The following FBN2 variants were observed in gnomAD, a reference collection of about 807,000 sequenced individuals.
FBN2 encodes the protein fibrillin-2.
FBN2 carries 105 observed loss-of-function variants against 355.6 expected under a neutral mutation model. That is an observed-to-expected ratio of 0.30 (90% CI 0.25 to 0.35). The LOEUF (loss-of-function observed/expected upper bound fraction) is 0.35, where lower values mean the gene tolerates loss of function less well. FBN2 is among the 10% of genes least tolerant of loss of function. FBN2 has a pLI of 1.00. For synonymous variants in FBN2, 1,350 were observed against 1,301.2 expected, an observed-to-expected ratio of 1.04 and a Z score of -0.81; for missense variants, 3,280 against 3,758.7, an observed-to-expected ratio of 0.87 and a Z score of 3.33.
In FBN2 at chr5:128,445,412, C is replaced by T. The variant is rs143602462; in HGVS notation, c.952+1069G>A. On this transcript the variant is annotated intron_variant, in intron 7 of 64. Transcript: ENST00000262464. The stretch of plus-strand genomic sequence containing the variant: ...AAGATTATGGTTTCTGGCATTGAAA[C>T]AATGGCATATGTACCCACATTCTAT... Among the ~76,000 whole-genome samples, 968 of 152,190 alleles carry T rather than the reference C, an allele frequency of 6.4e-3. 11 individuals carry two copies. The highest frequency in any genetic ancestry group is 0.022 in the African/African-American group (909 of 41,534).
At chr5:128,303,192 C>T in intron 45 of FBN2, 103 bp from the exon 46 acceptor site, 2 of 748,378 alleles carry the variant, frequency 2.7e-6, no homozygotes, top group South Asian at 2.8e-5. Flanking sequence ...AGATTTTCCT[C>T]ATTCAGTACT....
At chr5:128,339,173 A>C (rs977875937) in intron 25 of FBN2, 112 bp from the exon 26 acceptor site, 3 of 1,106,120 alleles carry the variant, frequency 2.7e-6, no homozygotes, top group African/African-American at 1.5e-5. Context: ...TAACAGTACA[A>C]GGGTATGTTT....
intron 34 of FBN2, chr5:128,328,393 T>C (rs1301695661): frequency 3.4e-6 from 2 of 591,888 alleles, no homozygotes; most frequent in East Asian, 5.6e-5. Flanking sequence ...GCTGAATAGT[T>C]TCTCCACATG....
intron 36 of FBN2, 129 bp downstream of exon 36, chr5:128,318,020 A>G (rs1296370999): frequency 2.3e-5 from 23 of 984,392 alleles, no homozygotes; most frequent in Non-Finnish European, 3.7e-5. Flanking sequence ...GAGAAACACA[A>G]TAAAGGCGAC....
At chr5:128,390,029 C>T (rs1028751348) in intron 11 of FBN2, among the ~76,000 whole-genome samples, 1 of 152,004 alleles carries the variant, frequency 6.6e-6, no homozygotes, top group Non-Finnish European at 1.5e-5. Context: ...TAACTCCATG[C>T]GGAAATCCCT....
chr5:128,348,878 A>G (rs1751266788), intron 23 of FBN2, among the ~76,000 whole-genome samples: 1 of 152,166 alleles, frequency 6.6e-6, no homozygotes, highest in African/African-American at 2.4e-5. Flanking sequence ...CTATTAAGAA[A>G]ACTTAAACTC....
intron 20 of FBN2, among the ~76,000 whole-genome samples, chr5:128,356,576 G>C (rs1266163786): frequency 6.6e-6 from 1 of 152,236 alleles, no homozygotes; most frequent in East Asian, 1.9e-4. Flanking sequence ...AACCACAGAG[G>C]CTAGAAGTAG....
chr5:128,279,896 A>G (rs953180266), intron 56 of FBN2, among the ~76,000 whole-genome samples: 1 of 152,212 alleles, frequency 6.6e-6, no homozygotes, highest in Non-Finnish European at 1.5e-5. Context: ...TTTGGAATTA[A>G]ATCATCCTCT....
At chr5:128,464,439 A>ATTT (rs1754645921) in intron 6 of FBN2, among the ~76,000 whole-genome samples, 1 of 152,114 alleles carries the variant, frequency 6.6e-6, no homozygotes, top group Non-Finnish European at 1.5e-5. Flanking sequence ...CATCTAGATA[A>ATTT]AAATAGAGTG....
At chr5:128,455,860 A>G (rs1276505941) in intron 6 of FBN2, among the ~76,000 whole-genome samples, 1 of 151,944 alleles carries the variant, frequency 6.6e-6, no homozygotes, top group East Asian at 1.9e-4. Context: ...CCTGGAACGT[A>G]CAGATTATTA....
At chr5:128,413,921 C>T (rs959738764) in intron 7 of FBN2, among the ~76,000 whole-genome samples, 2 of 152,110 alleles carry the variant, frequency 1.3e-5, no homozygotes, top group African/African-American at 4.8e-5. Context: ...TCCACTTATT[C>T]GTATACTGTT....
intron 9 of FBN2, 48 bp from the exon 10 acceptor site, chr5:128,393,416 C>A (rs1370343753): frequency 6.6e-7 from 1 of 1,525,114 alleles, no homozygotes; most frequent in Admixed American, 1.7e-5. Flanking sequence ...TGTCTTTCTG[C>A]ATAACAAAAG....
At position 128,289,119 on chromosome 5, in the gene FBN2, A is replaced by T. The variant is rs780697390; in HGVS notation, c.6637+8T>A. ...TTTAAAATTCTGTAATGTGGAGCCA[A>T]CACTCACCCACACAGCGTACTCCAG... On this transcript the variant is annotated splice_region_variant and intron_variant, in intron 52 of 64. Coordinates refer to ENST00000262464, the MANE Select transcript of FBN2 (RefSeq NM_001999.4). 6.2e-7 allele frequency: 1 copy of T among 1,614,018 alleles called. No homozygotes were observed. The highest frequency in any genetic ancestry group is 1.3e-5 in the African/African-American group (1 of 75,052).
In FBN2 at chr5:128,393,166, G is replaced by C. The variant is rs755786214; in HGVS notation, c.1434C>G (p.Ala478=). The change falls in exon 10 of 65, where the codon GCC becomes GCG. Residue 478 remains alanine, a synonymous_variant. Transcript: ENST00000262464. ...CAGTGATGATAGGTCCCTGTCCCCC[G>C]GCCCCCACACCGGCTCCCCCAACGC... is the stretch of plus-strand genomic sequence containing the variant. ...SPGVGGAGVG[A]GGQGPIITGL... 6.2e-7 allele frequency: 1 copy of C among 1,613,876 alleles called. No individual in the cohort carries two copies. The highest frequency in any genetic ancestry group is 8.5e-7 in the Non-Finnish European group (1 of 1,179,936).
intron 7 of FBN2, among the ~76,000 whole-genome samples, chr5:128,438,274 T>C (rs1435524754): frequency 6.6e-6 from 1 of 152,260 alleles, no homozygotes. Flanking sequence ...ATTACATGTG[T>C]GTGCCGCCGT....
intron 5 of FBN2, among the ~76,000 whole-genome samples, chr5:128,497,484 GCTT>G (rs1755687135): frequency 6.6e-6 from 1 of 152,162 alleles, no homozygotes; most frequent in Non-Finnish European, 1.5e-5. Context: ...TTAGGGATTT[GCTT>G]TGTTGTCATC....
At chr5:128,415,057 CT>C in intron 7 of FBN2, among the ~76,000 whole-genome samples, 1 of 152,140 alleles carries the variant, frequency 6.6e-6, no homozygotes, top group African/African-American at 2.4e-5. Context: ...TCCATGTAAA[CT>C]TTTTAAAAAA....
At chr5:128,523,230 T>C (rs55721088) in intron 4 of FBN2, among the ~76,000 whole-genome samples, 25,188 of 152,136 alleles carry the variant, frequency 0.17, 3,812 homozygotes, top group African/African-American at 0.4. Flanking sequence ...CAAGTTAAAA[T>C]GTTAACAAGA....
chr5:128,467,495 G>A (rs1754743528), intron 5 of FBN2, among the ~76,000 whole-genome samples: 1 of 151,944 alleles, frequency 6.6e-6, no homozygotes, highest in South Asian at 2.1e-4. Flanking sequence ...TAAATTTCCT[G>A]ATAGGGTTAA....
Sources: allele counts gnomAD v4.1 joint callset (sites outside exome capture counted in the v4.1 genomes callset), GRCh38; gene constraint gnomAD v4.1.1; transcripts MANE v1.5; gene names NCBI Gene and HGNC (gene_info 2026-07-23, HGNC 2026-07-21).